Variants in ABL2 observed in about 807,000 individuals in gnomAD.
ABL2 encodes tyrosine-protein kinase ABL2.
A neutral mutation model predicts 107.7 loss-of-function variants in ABL2; 49 were observed. The ratio of observed to expected loss-of-function variants is 0.45; its 90% CI spans 0.36 to 0.58. ABL2 has a LOEUF of 0.58. ABL2 is among the 20% of genes least tolerant of loss of function. The pLI, the probability that ABL2 is intolerant of heterozygous loss-of-function variation, is 0.00. For synonymous variants in ABL2, 549 were observed against 548.6 expected (o/e 1.00, Z -0.01); for missense variants, 1,245 against 1,457.0 (o/e 0.85, Z 2.37).
rs143429621 is a variant in ABL2, at chr1:179,100,970, G to A, written c.*6748C>T. 3.0e-4 allele frequency: 71 copies of A among 232,872 alleles called. No homozygotes were observed. The East Asian group carries it at 3.2e-3, about 10-fold the overall frequency. 14.4% of individuals were successfully genotyped at this position (232,872 alleles called of 1,614,324 possible). ...AGAAGTAAGTGCACTTGGAGGGAAG[G>A]GTCCGGCGAGACCTCGCCAGGTGGG... On this transcript the variant is annotated 3_prime_UTR_variant, in exon 12 of 12. Coordinates refer to ENST00000502732, the MANE Select transcript of ABL2 (RefSeq NM_007314.4).
At chr1:179,228,050 C>CA (rs34070201) in intron 1 of ABL2, among the ~76,000 whole-genome samples, 3,034 of 63,024 alleles carry the variant, frequency 0.048, 52 homozygotes, top group African/African-American at 0.082. Context: ...ACTCCGTCTC[C>CA]AAAAAAAAAA....
In ABL2 at chr1:179,107,455, CAT is replaced by C; in HGVS notation, c.*261_*262del. 1 of 501,274 alleles carries C rather than the reference CAT, an allele frequency of 2.0e-6. No individual in the cohort carries two copies. The highest frequency in any genetic ancestry group is 2.8e-5 in the South Asian group (1 of 36,302). 31.1% of individuals were successfully genotyped at this position (501,274 alleles called of 1,614,324 possible). A position where few individuals can be genotyped will look rare whatever the true frequency, so the allele number is the denominator to read the frequency against. ...TGCATTGCCTTCCTTATGACATACACATGTTCCCTATTTTCCAGTGCAGTTTC... is the reference window on the plus strand; with the variant it reads ...TGCATTGCCTTCCTTATGACATACACGTTCCCTATTTTCCAGTGCAGTTTC... On this transcript the variant is annotated 3_prime_UTR_variant, in exon 12 of 12. Transcript: ENST00000502732.
At chr1:179,181,090 T>C (rs1660352061) in intron 1 of ABL2, among the ~76,000 whole-genome samples, 1 of 152,244 alleles carries the variant, frequency 6.6e-6, no homozygotes, top group Non-Finnish European at 1.5e-5. Flanking sequence ...TGTCCAGGCA[T>C]GCTGCTGAAA....
chr1:179,129,225 GTCTT>G (rs1259177479), intron 3 of ABL2, among the ~76,000 whole-genome samples: 1 of 152,148 alleles, frequency 6.6e-6, no homozygotes. Flanking sequence ...GGAATCAACA[GTCTT>G]TCTTTATCAA....
intron 1 of ABL2, among the ~76,000 whole-genome samples, chr1:179,203,407 C>G (rs1373947467): frequency 6.6e-6 from 1 of 152,172 alleles, no homozygotes; most frequent in Non-Finnish European, 1.5e-5. Context: ...TATGCACCAT[C>G]ACCCTCCCTA....
At chr1:179,149,243 T>G (rs1310388532) in intron 1 of ABL2, among the ~76,000 whole-genome samples, 1 of 152,206 alleles carries the variant, frequency 6.6e-6, no homozygotes, top group Non-Finnish European at 1.5e-5. Context: ...AACCAAAGCC[T>G]AATCCAGAGC....
At chr1:179,133,242 T>A in intron 2 of ABL2, 70 bp downstream of exon 2, 5 of 1,596,326 alleles carry the variant, frequency 3.1e-6, no homozygotes, top group Non-Finnish European at 3.4e-6. Context: ...TATTTTCAAA[T>A]CCATTCCCTG....
chr1:179,229,211 G>A (rs751131706), intron 1 of ABL2, 30 bp downstream of exon 1: 1 of 721,710 alleles, frequency 1.4e-6, no homozygotes, highest in East Asian at 1.3e-4. Flanking sequence ...CCTCCCCCAC[G>A]CTCTCATGCC....
intron 1 of ABL2, among the ~76,000 whole-genome samples, chr1:179,226,454 G>GC (rs1465713976): frequency 1.3e-5 from 2 of 151,548 alleles, no homozygotes; most frequent in African/African-American, 4.9e-5. Flanking sequence ...GACTACAGGC[G>GC]CGTGCCACCA....
chr1:179,159,895 A>G (rs1658958606), intron 1 of ABL2, among the ~76,000 whole-genome samples: 3 of 152,278 alleles, frequency 2.0e-5, no homozygotes, highest in South Asian at 4.1e-4. Flanking sequence ...GGGCGTATCA[A>G]CTGAGGTCAG....
At position 179,120,176 on chromosome 1, in the gene ABL2, G is replaced by T; in HGVS notation, c.1045+14C>A. 1 of 1,567,256 alleles carries T rather than the reference G, an allele frequency of 6.4e-7. No homozygotes were observed. The highest frequency in any genetic ancestry group is 8.7e-7 in the Non-Finnish European group (1 of 1,147,546). On this transcript the variant is annotated intron_variant, in intron 6 of 11. Transcript: ENST00000502732. ...TTTTTGGAGGAAATCTATGGTTCAG[G>T]CAAGGTTCCTCACCTAAAAGTTGTA... is the stretch of plus-strand genomic sequence containing the variant.
intron 1 of ABL2, among the ~76,000 whole-genome samples, chr1:179,149,968 A>T (rs764089748): frequency 3.0e-4 from 45 of 152,290 alleles, no homozygotes; most frequent in Admixed American, 4.6e-4. Context: ...ATGGTGTCTC[A>T]TGCCTGCAAT....
Position 179,229,631 on chromosome 1 carries a change from AACGCCG to A in ABL2, c.-240_-235del. On this transcript the variant is annotated 5_prime_UTR_variant, in exon 1 of 12. Coordinates refer to ENST00000502732, the MANE Select transcript of ABL2 (RefSeq NM_007314.4). ...CCTCCTGTCGCGGCTCCGCGCCCCCAACGCCGCCGCCGCCGCCGCCGCCACCGCCGC... is the reference window on the plus strand; with the variant it reads ...CCTCCTGTCGCGGCTCCGCGCCCCCACCGCCGCCGCCGCCGCCACCGCCGC... 2 of 394,252 alleles carry A rather than the reference AACGCCG, an allele frequency of 5.1e-6. No homozygotes were observed. Among genetic ancestry groups the A allele is most frequent in the East Asian group, 4.7e-5 (1 of 21,352 alleles). 24.4% of individuals were successfully genotyped at this position (394,252 alleles called of 1,614,324 possible).
chr1:179,210,880 T>A, intron 1 of ABL2, among the ~76,000 whole-genome samples: 1 of 151,698 alleles, frequency 6.6e-6, no homozygotes, highest in African/African-American at 2.4e-5. Flanking sequence ...TAAATAAAAA[T>A]AAAAATATTT....
chr1:179,153,816 A>G (rs2102736598), intron 1 of ABL2, among the ~76,000 whole-genome samples: 1 of 152,250 alleles, frequency 6.6e-6, no homozygotes, highest in African/African-American at 2.4e-5. Flanking sequence ...TTCCTGATTA[A>G]CAGATTGCCT....
In ABL2 at chr1:179,126,775, ATCTAG is replaced by A; in HGVS notation, c.392-108_392-104del. On this transcript the variant is annotated intron_variant, in intron 3 of 11. Transcript: ENST00000502732. The surrounding 1 kb of genome is among the most constrained non-coding windows in gnomAD (Gnocchi z 4.4). ...TTAAACTCATTAAAAAAAAAAAAGA[ATCTAG>A]AACTTTTATGCCAAATTTTTTTTTT... The A allele has an allele frequency of 1.6e-6, 2 of 1,219,566 alleles. No individual in the cohort carries two copies. The highest frequency in any genetic ancestry group is 2.2e-6 in the Non-Finnish European group (2 of 904,700). 75.5% of individuals were successfully genotyped at this position (1,219,566 alleles called of 1,614,324 possible). A position where few individuals can be genotyped will look rare whatever the true frequency, so the allele number is the denominator to read the frequency against.
At chr1:179,167,943 C>A (rs1200912331) in intron 1 of ABL2, among the ~76,000 whole-genome samples, 2 of 152,218 alleles carry the variant, frequency 1.3e-5, no homozygotes, top group African/African-American at 4.8e-5. Flanking sequence ...CGTGCCACTG[C>A]ACTCCAGCCT....
rs1340062027 is a variant in ABL2 at position 179,131,374 on chromosome 1, T to C, written c.328A>G (p.Asn110Asp). 1 of 1,614,156 alleles carries C rather than the reference T, an allele frequency of 6.2e-7. No homozygotes were observed. The highest frequency in any genetic ancestry group is 8.5e-7 in the Non-Finnish European group (1 of 1,180,020). ...NLLGATESDP[N>D]LFVALYDFVA... ...AAATCATAAAGTGCAACGAAGAGAT[T>C]AGGGTCACTCTCAGTGGCTCCGAGC... The change falls in exon 3 of 12, where the codon AAT becomes GAT. Residue 110 changes from asparagine (N) to aspartate (D), a missense_variant. Transcript: ENST00000502732.
chr1:179,221,809 C>T (rs1031542754), intron 1 of ABL2: 14 of 208,390 alleles, frequency 6.7e-5, no homozygotes, highest in East Asian at 1.3e-4. Context: ...AAAAAAAAAA[C>T]GTATTTCATA....
Sources: gnomAD v4.1 joint callset for allele counts (sites outside exome capture counted in the v4.1 genomes callset) on GRCh38, gnomAD v4.1.1 for gene constraint, Gnocchi (gnomAD v3.1) non-coding constraint, MANE v1.5 for transcripts, NCBI Gene and HGNC (gene_info 2026-07-23, HGNC 2026-07-21) for gene names.